The following CIMIP2A variants were observed in gnomAD, a reference collection of about 807,000 sequenced individuals.
The protein encoded by CIMIP2A is ciliary microtubule inner protein 2A.
chr9:137,243,626 C>G, the CIMIP2A span: 10 of 1,613,218 alleles, frequency 6.2e-6, no homozygotes, highest in Admixed American at 1.3e-4. Context: ...TGTCCTGTGG[C>G]CTGTCCCACT....
the CIMIP2A span, chr9:137,250,978 C>T: frequency 2.5e-6 from 1 of 397,210 alleles, no homozygotes; most frequent in African/African-American, 2.1e-5. Context: ...TCAGTCCTCC[C>T]AGACCTGCTA....
chr9:137,244,132 G>C, the CIMIP2A span: 1 of 1,588,138 alleles, frequency 6.3e-7, no homozygotes, highest in Non-Finnish European at 8.6e-7. Flanking sequence ...CCCCACATTG[G>C]CCGGGGTGTG....
chr9:137,243,897 T>G, the CIMIP2A span: 1 of 1,245,922 alleles, frequency 8.0e-7, no homozygotes, highest in Non-Finnish European at 1.2e-6. Flanking sequence ...CCTGGGTATC[T>G]GCTTGGTGGG....
the CIMIP2A span, among the ~76,000 whole-genome samples, chr9:137,246,331 G>A: frequency 3.9e-5 from 6 of 152,262 alleles, no homozygotes; most frequent in African/African-American, 1.2e-4. Context: ...CACGGGAAGA[G>A]AACTGGGAGG....
the CIMIP2A span, chr9:137,251,631 T>G: frequency 7.4e-7 from 1 of 1,342,860 alleles, no homozygotes; most frequent in Non-Finnish European, 9.9e-7. Flanking sequence ...GTGGGGCACG[T>G]GGCTGGGAGC....
At chr9:137,252,973 G>C in the CIMIP2A span, 1 of 1,589,918 alleles carries the variant, frequency 6.3e-7, no homozygotes. Flanking sequence ...CCTGTAAGGA[G>C]GCCTGGAGAG....
the CIMIP2A span, among the ~76,000 whole-genome samples, chr9:137,249,916 A>G: frequency 6.6e-6 from 1 of 152,176 alleles, no homozygotes; most frequent in Non-Finnish European, 1.5e-5. Context: ...CCCCAAATTG[A>G]AGCTAGTTGG....
chr9:137,244,879 A>G, the CIMIP2A span: 3 of 1,570,292 alleles, frequency 1.9e-6, no homozygotes, highest in Admixed American at 3.8e-5. Flanking sequence ...ATGTGGCCAA[A>G]TGGGAACAGG....
chr9:137,253,274 G>T, the CIMIP2A span: 1 of 1,590,838 alleles, frequency 6.3e-7, no homozygotes. Flanking sequence ...TGCTTGGCCC[G>T]GCCACCGAGT....
the CIMIP2A span, chr9:137,251,025 A>C: frequency 4.2e-6 from 2 of 477,150 alleles, no homozygotes; most frequent in Non-Finnish European, 7.7e-6. Context: ...CCCAGGGTGC[A>C]GGAGAGGGGA....
chr9:137,253,833 G>C, the CIMIP2A span, among the ~76,000 whole-genome samples: 1 of 152,288 alleles, frequency 6.6e-6, no homozygotes, highest in Middle Eastern at 3.4e-3. Context: ...ACCTCAGGAA[G>C]GGCCCAGGGA....
At chr9:137,252,110 C>T in the CIMIP2A span, 3 of 1,611,818 alleles carry the variant, frequency 1.9e-6, no homozygotes, top group East Asian at 2.2e-5. Context: ...CCCACTACAG[C>T]ATCGGCTGCA....
At chr9:137,244,589 G>A in the CIMIP2A span, 11 of 1,602,156 alleles carry the variant, frequency 6.9e-6, no homozygotes, top group Admixed American at 3.4e-5. Flanking sequence ...TGCCAGGCAG[G>A]AGAGGAAGTG....
At chr9:137,253,812 G>A in the CIMIP2A span, among the ~76,000 whole-genome samples, 1 of 152,148 alleles carries the variant, frequency 6.6e-6, no homozygotes, top group African/African-American at 2.4e-5. Flanking sequence ...AGGTGGGGTC[G>A]GCCTGGCCAG....
the CIMIP2A span, among the ~76,000 whole-genome samples, chr9:137,249,876 C>A: frequency 6.6e-6 from 1 of 152,200 alleles, no homozygotes; most frequent in East Asian, 1.9e-4. Flanking sequence ...GTGGCTCCAG[C>A]AAATTAACCC....
the CIMIP2A span, among the ~76,000 whole-genome samples, chr9:137,244,006 C>CA: frequency 2.0e-5 from 3 of 152,258 alleles, no homozygotes; most frequent in East Asian, 3.9e-4. Flanking sequence ...ACCCCCCTTC[C>CA]AAAAGGGGTA....
chr9:137,254,625 G>C, the CIMIP2A span, among the ~76,000 whole-genome samples: 1 of 152,266 alleles, frequency 6.6e-6, no homozygotes, highest in Non-Finnish European at 1.5e-5. Flanking sequence ...CGAAAAGAGA[G>C]AGGGTGTGTG....
chr9:137,244,568 T>G, the CIMIP2A span: 1 of 1,583,864 alleles, frequency 6.3e-7, no homozygotes, highest in Non-Finnish European at 8.6e-7. Flanking sequence ...CAAGGCACCC[T>G]CCAGGGAAGC....
At chr9:137,247,511 C>A in the CIMIP2A span, 6 of 725,398 alleles carry the variant, frequency 8.3e-6, no homozygotes, top group Non-Finnish European at 1.1e-5. Flanking sequence ...CTCCCCAGCC[C>A]ACAGACTGCA....
Sources: allele counts gnomAD v4.1 joint callset (sites outside exome capture counted in the v4.1 genomes callset), GRCh38; gene constraint gnomAD v4.1.1; transcripts MANE v1.5; gene names NCBI Gene and HGNC (gene_info 2026-07-23, HGNC 2026-07-21).